Variants in WBP1L observed in about 807,000 individuals in gnomAD.
WBP1L encodes WW domain binding protein 1-like.
Under a neutral mutation model 33.7 loss-of-function variants are expected in WBP1L, and 17 were observed. The observed-to-expected ratio is 0.50, with a 90% confidence interval of 0.34 to 0.76. The LOEUF is 0.76. WBP1L is among the 30% of genes least tolerant of loss of function. The probability of loss-of-function intolerance (pLI) is 0.01; values close to 1 mark genes in which losing one functional copy is unlikely to be tolerated. For missense variants in WBP1L, 389 were observed against 469.4 expected, an observed-to-expected ratio of 0.83 and a Z score of 1.58; for synonymous variants, 173 against 190.8, an observed-to-expected ratio of 0.91 and a Z score of 0.77.
intron 2 of WBP1L, 86 bp from the exon 3 acceptor site, chr10:102,809,807 C>T (rs929384389): frequency 1.2e-5 from 17 of 1,463,646 alleles, no homozygotes; most frequent in Admixed American, 4.5e-5. Context: ...ACGTGGGCAC[C>T]GTCCAGGGAC....
chr10:102,776,253 C>T, intron 1 of WBP1L: 37 of 1,586,644 alleles, frequency 2.3e-5, no homozygotes, highest in Non-Finnish European at 3.2e-5. Context: ...ACTCTGTTTA[C>T]TTTGTCTGCT....
intron 2 of WBP1L, among the ~76,000 whole-genome samples, chr10:102,798,759 G>T (rs970552832): frequency 1.3e-5 from 2 of 152,200 alleles, no homozygotes; most frequent in African/African-American, 4.8e-5. Context: ...TGCAAGCCAA[G>T]CTACTATGAA....
chr10:102,802,163 A>T (rs1391603143), intron 2 of WBP1L, among the ~76,000 whole-genome samples: 2 of 124,184 alleles, frequency 1.6e-5, no homozygotes, highest in Admixed American at 1.9e-4. Flanking sequence ...TGTGTGTGAG[A>T]CAAGGTTTCA....
Position 102,757,569 on chromosome 10 carries a change from C to CTTTTTTT in WBP1L, c.90+13443_90+13449dup, listed in dbSNP as rs60213859. On this transcript the variant is annotated intron_variant, in intron 1 of 3. Transcript: ENST00000448841. ...TCTCAGGGGAAGATGGTTTCTGAGCCTTTTTTTTTTTTTTTTTTTTTTTGT... is the reference window on the plus strand; with the variant it reads ...TCTCAGGGGAAGATGGTTTCTGAGCCTTTTTTTTTTTTTTTTTTTTTTTTTTTTTTGT... 8.2e-3 allele frequency among the ~76,000 whole-genome samples: 727 copies of CTTTTTTT among 88,804 alleles called. 5 individuals carry two copies. The highest frequency in any genetic ancestry group is 0.014 in the East Asian group (31 of 2,254). The allele number at this position is 88,804 out of a possible 152,430, so 58.3% of individuals were successfully genotyped here. A position where few individuals can be genotyped will look rare whatever the true frequency, so the allele number is the denominator to read the frequency against.
Position 102,812,821 on chromosome 10 carries a change from C to A in WBP1L, c.582C>A (p.Ser194Arg). 1 of 1,594,226 alleles carries A rather than the reference C, an allele frequency of 6.3e-7. No homozygotes were observed. ...EPSRSSTRPP[S>R]IADPDPSDLP... ...GCAGAAGCAGCACAAGACCCCCAAG[C>A]ATCGCTGACCCTGATCCCTCTGACC... The change falls in exon 4 of 4, where the codon AGC (serine) becomes AGA (arginine). Residue 194 changes from serine (S) to arginine (R), a missense_variant. Coordinates refer to ENST00000448841, the MANE Select transcript of WBP1L (RefSeq NM_001083913.2).
intron 1 of WBP1L, among the ~76,000 whole-genome samples, chr10:102,792,592 C>CTTTTTTTTTTTTTTTTTTTTTTT (rs11368357): frequency 9.7e-6 from 1 of 103,586 alleles, no homozygotes; most frequent in Non-Finnish European, 2.0e-5. Context: ...TTTTTCTTTT[C>CTTTTTTTTTTTTTTTTTTTTTTT]TTTTTTTTTT....
chr10:102,770,476 A>C (rs1228786759), intron 1 of WBP1L, among the ~76,000 whole-genome samples: 2 of 152,198 alleles, frequency 1.3e-5, no homozygotes, highest in Non-Finnish European at 2.9e-5. Flanking sequence ...CTTGATTGTA[A>C]AATAAGATAC....
At chr10:102,801,271 C>A (rs117085871) in intron 2 of WBP1L, among the ~76,000 whole-genome samples, 4,108 of 152,264 alleles carry the variant, frequency 0.027, 78 homozygotes, top group Non-Finnish European at 0.042. Flanking sequence ...ATTTTTACGG[C>A]ACCTGTACTT....
At chr10:102,767,014 A>G (rs1253960374) in intron 1 of WBP1L, among the ~76,000 whole-genome samples, 1 of 152,146 alleles carries the variant, frequency 6.6e-6, no homozygotes, top group East Asian at 1.9e-4. Context: ...ATTCTTGGCT[A>G]CTTGCCAGTA....
At chr10:102,764,280 T>C (rs1843081313) in intron 1 of WBP1L, among the ~76,000 whole-genome samples, 1 of 152,206 alleles carries the variant, frequency 6.6e-6, no homozygotes, top group East Asian at 1.9e-4. Flanking sequence ...GTCTCTCAAA[T>C]AAGAACAACA....
At chr10:102,778,227 G>A (rs1030040791) in intron 1 of WBP1L, among the ~76,000 whole-genome samples, 2 of 152,240 alleles carry the variant, frequency 1.3e-5, no homozygotes, top group African/African-American at 4.8e-5. Context: ...TGCAGGAAAC[G>A]AGAAGCGAAG....
At chr10:102,772,414 C>T (rs1482543159) in intron 1 of WBP1L, among the ~76,000 whole-genome samples, 2 of 151,460 alleles carry the variant, frequency 1.3e-5, no homozygotes, top group Admixed American at 6.6e-5. Context: ...GTATGTGTCA[C>T]CATGCTTAGC....
At chr10:102,779,797 C>A (rs949846908) in intron 1 of WBP1L, among the ~76,000 whole-genome samples, 13 of 152,196 alleles carry the variant, frequency 8.5e-5, no homozygotes, top group African/African-American at 3.1e-4. Flanking sequence ...ACTGGGAGAG[C>A]AGAGCGTGGG....
At chr10:102,792,559 T>C (rs1470756648) in intron 1 of WBP1L, among the ~76,000 whole-genome samples, 1 of 151,834 alleles carries the variant, frequency 6.6e-6, no homozygotes, top group Non-Finnish European at 1.5e-5. Flanking sequence ...TGTTCTTCCC[T>C]GTCCTCTTCC....
chr10:102,756,416 G>C (rs1334492945), intron 1 of WBP1L, among the ~76,000 whole-genome samples: 4 of 151,968 alleles, frequency 2.6e-5, no homozygotes, highest in African/African-American at 7.2e-5. Flanking sequence ...TCTCAGGGGG[G>C]TGGTGGGGGG....
At chr10:102,757,517 C>T (rs1842990122) in intron 1 of WBP1L, among the ~76,000 whole-genome samples, 1 of 151,116 alleles carries the variant, frequency 6.6e-6, no homozygotes, top group African/African-American at 2.4e-5. Flanking sequence ...TAACTTCTGT[C>T]CCCAACCTCC....
At chr10:102,795,081 T>G (rs1319395106) in intron 1 of WBP1L, among the ~76,000 whole-genome samples, 1 of 152,188 alleles carries the variant, frequency 6.6e-6, no homozygotes, top group Non-Finnish European at 1.5e-5. Context: ...TTTTCAACTT[T>G]ATGGTGGTGC....
At chr10:102,793,050 T>G (rs562455968) in intron 1 of WBP1L, among the ~76,000 whole-genome samples, 86 of 152,350 alleles carry the variant, frequency 5.6e-4, no homozygotes, top group Admixed American at 9.8e-4. Flanking sequence ...CGCAGTTTTA[T>G]CTGCGTAAGT....
chr10:102,772,175 G>A (rs1309971996), intron 1 of WBP1L, among the ~76,000 whole-genome samples: 3 of 150,536 alleles, frequency 2.0e-5, no homozygotes, highest in Non-Finnish European at 4.4e-5. Flanking sequence ...AGCCAGGATG[G>A]TCTTGATCTC....
Sources: gnomAD v4.1 joint callset for allele counts (sites outside exome capture counted in the v4.1 genomes callset) on GRCh38, gnomAD v4.1.1 for gene constraint, MANE v1.5 for transcripts, NCBI Gene and HGNC (gene_info 2026-07-23, HGNC 2026-07-21) for gene names.